Variants in OTUD6B observed in about 807,000 individuals in gnomAD.
OTUD6B encodes OTU deubiquitinase 6B.
OTUD6B carries 41 observed loss-of-function variants against 36.9 expected under a neutral mutation model. The ratio of observed to expected loss-of-function variants is 1.11; its 90% CI spans 0.87 to 1.44. OTUD6B has a LOEUF of 1.44. Ranked by LOEUF, OTUD6B falls within the 40% of genes most tolerant of loss-of-function variation. The pLI, the probability that OTUD6B is intolerant of heterozygous loss-of-function variation, is 0.00. For synonymous variants in OTUD6B, 114 were observed against 114.2 expected (o/e 1.00, Z 0.01); for missense variants, 356 against 344.8 (o/e 1.03, Z -0.26).
chr8:91,080,549 GAGA>G (rs1812883478), intron 4 of OTUD6B, 117 bp from the exon 5 acceptor site: 5 of 1,462,204 alleles, frequency 3.4e-6, no homozygotes, highest in East Asian at 5.3e-5. Context: ...GATAATGGTA[GAGA>G]AGGAGAATGT....
At position 91,078,488 on chromosome 8, in the gene OTUD6B, A is replaced by G. The variant is rs1812841619; in HGVS notation, c.448A>G (p.Lys150Glu). ...QILAARQLEI[K>E]QIPSDGHCMY... The stretch of plus-strand genomic sequence containing the variant: ...ATTGGCAGCTAGACAGTTAGAAATT[A>G]AACAGATTCCATCTGATGGCCACTG... The change falls in exon 4 of 7, where the codon AAA (lysine) becomes GAA (glutamate). Residue 150 changes from lysine (K) to glutamate (E), a missense_variant. Lys to Glu is a moderately conservative substitution (Grantham distance 56). Transcript: ENST00000404789. The G allele has an allele frequency of 6.2e-7, 1 of 1,608,426 alleles. No individual in the cohort carries two copies. The highest frequency in any genetic ancestry group is 1.3e-5 in the African/African-American group (1 of 74,808).
chr8:91,083,309 C>T (rs761915627), intron 5 of OTUD6B, among the ~76,000 whole-genome samples: 3 of 151,922 alleles, frequency 2.0e-5, no homozygotes, highest in Admixed American at 1.3e-4. Context: ...TTATTTGGTC[C>T]GGTGCTTGAG....
At chr8:91,072,959 A>T (rs139039189) in intron 2 of OTUD6B, among the ~76,000 whole-genome samples, 1 of 148,504 alleles carries the variant, frequency 6.7e-6, no homozygotes, top group Admixed American at 6.6e-5. Flanking sequence ...TGTTTTTCAG[A>T]TGCATCTCTT....
At chr8:91,073,985 C>T in intron 3 of OTUD6B, 74 bp downstream of exon 3, 2 of 975,380 alleles carry the variant, frequency 2.1e-6, no homozygotes, top group Non-Finnish European at 1.5e-6. Context: ...TATCTTAGGT[C>T]TTGTTATAGG....
intron 3 of OTUD6B, chr8:91,076,813 G>A (rs1257281222): frequency 8.6e-6 from 6 of 700,312 alleles, no homozygotes; most frequent in Non-Finnish European, 1.6e-5. Context: ...AAGATATTAT[G>A]CCTCTGTGAT....
intron 3 of OTUD6B, among the ~76,000 whole-genome samples, chr8:91,074,557 G>T (rs558106863): frequency 6.6e-6 from 1 of 152,130 alleles, no homozygotes; most frequent in Non-Finnish European, 1.5e-5. Context: ...AAATGTGGGG[G>T]TGATATATTG....
rs1812685787 is a variant in OTUD6B at position 91,071,062 on chromosome 8, A to G, written c.83-76A>G. 5.7e-6 allele frequency: 9 copies of G among 1,576,672 alleles called. No individual in the cohort carries two copies. The East Asian group carries it at 1.8e-4, about 32-fold the overall frequency. On this transcript the variant is annotated intron_variant, in intron 1 of 6. Transcript: ENST00000404789. ...TTTTCTGTACCCTTCGCCCGTTACC[A>G]TCCCCTTATTGGTTCCTGTTTCTCA...
Position 91,073,851 on chromosome 8 carries a change from C to G in OTUD6B, c.255C>G (p.Asn85Lys), listed in dbSNP as rs569224677. The change falls in exon 3 of 7, where the codon AAC (asparagine) becomes AAG (lysine). Residue 85 changes from asparagine (N) to lysine (K), a missense_variant. Coordinates refer to ENST00000404789, the MANE Select transcript of OTUD6B (RefSeq NM_016023.5). ...KENKIDSVAV[N>K]ISNLVLENQP... ...TTCAGATAGATTCTGTTGCTGTTAA[C>G]ATTTCAAACTTGGTGCTTGAGAATC... is the stretch of plus-strand genomic sequence containing the variant. The G allele has an allele frequency of 5.7e-6, 9 of 1,589,810 alleles. No individual in the cohort carries two copies. In the African/African-American group the frequency reaches 1.2e-4, roughly 21 times the overall value.
chr8:91,080,276 G>A (rs1812877373), intron 4 of OTUD6B, among the ~76,000 whole-genome samples: 1 of 152,014 alleles, frequency 6.6e-6, no homozygotes, highest in Non-Finnish European at 1.5e-5. Flanking sequence ...GATTATACAG[G>A]AACTACATTT....
chr8:91,071,035 C>CT, intron 1 of OTUD6B, 103 bp from the exon 2 acceptor site: 1 of 1,455,752 alleles, frequency 6.9e-7, no homozygotes, highest in Non-Finnish European at 9.1e-7. Flanking sequence ...TCCATAATTA[C>CT]TTTTTCTGTA....
In OTUD6B at chr8:91,070,937, T is replaced by A. The variant is rs1812682381; in HGVS notation, c.83-201T>A. On this transcript the variant is annotated intron_variant, in intron 1 of 6. Transcript: ENST00000404789. ...AAACAACCGAAACATATTCAAGATT[T>A]TGTTAATGAAGTTTTTTTTTTTTTT... 5 of 596,714 alleles carry A rather than the reference T, an allele frequency of 8.4e-6. No individual in the cohort carries two copies. In the South Asian group the frequency reaches 3.7e-4, roughly 44 times the overall value. 37.0% of individuals were successfully genotyped at this position (596,714 alleles called of 1,614,324 possible). A position where few individuals can be genotyped will look rare whatever the true frequency, so the allele number is the denominator to read the frequency against.
chr8:91,073,432 T>A (rs951672365), intron 2 of OTUD6B, among the ~76,000 whole-genome samples: 1 of 152,144 alleles, frequency 6.6e-6, no homozygotes, highest in Non-Finnish European at 1.5e-5. Context: ...CTAATTAAGA[T>A]GGAAAAAGGC....
chr8:91,076,324 A>G (rs1315158992), intron 3 of OTUD6B: 1 of 264,746 alleles, frequency 3.8e-6, no homozygotes, highest in African/African-American at 2.3e-5. Flanking sequence ...CTATAGCTGT[A>G]GAAACCAAAG....
intron 1 of OTUD6B, chr8:91,070,935 T>A (rs1812682325): frequency 1.7e-6 from 1 of 588,338 alleles, no homozygotes; most frequent in African/African-American, 2.0e-5. Context: ...ATATTCAAGA[T>A]TTTGTTAATG....
At chr8:91,079,022 G>A in intron 4 of OTUD6B, 1 of 160,438 alleles carries the variant, frequency 6.2e-6, no homozygotes, top group Non-Finnish European at 1.4e-5. Context: ...AAGACCATAA[G>A]GAGAGAATGA....
intron 3 of OTUD6B, among the ~76,000 whole-genome samples, chr8:91,074,378 CAT>C (rs948506973): frequency 2.7e-4 from 41 of 152,054 alleles, no homozygotes; most frequent in African/African-American, 8.7e-4. Context: ...TAGAAGTTAA[CAT>C]GTGTAGGTAT....
intron 5 of OTUD6B, 167 bp from the exon 6 acceptor site, chr8:91,083,841 T>C (rs1379989683): frequency 1.6e-5 from 5 of 306,746 alleles, no homozygotes; most frequent in African/African-American, 6.8e-5. Flanking sequence ...ACCTGTATTA[T>C]ATTTATTTAT....
At chr8:91,075,144 T>G (rs911056497) in intron 3 of OTUD6B, among the ~76,000 whole-genome samples, 25 of 152,184 alleles carry the variant, frequency 1.6e-4, no homozygotes, top group Admixed American at 1.2e-3. Context: ...TCTTTTTTTG[T>G]TTGCAAGCTG....
At chr8:91,075,038 A>G (rs1448853602) in intron 3 of OTUD6B, among the ~76,000 whole-genome samples, 1 of 152,086 alleles carries the variant, frequency 6.6e-6, no homozygotes, top group Admixed American at 6.5e-5. Context: ...AGTAGTGTAT[A>G]GTATGCCTCT....
Sources: allele counts gnomAD v4.1 joint callset (sites outside exome capture counted in the v4.1 genomes callset), GRCh38; gene constraint gnomAD v4.1.1; transcripts MANE v1.5; gene names NCBI Gene and HGNC (gene_info 2026-07-23, HGNC 2026-07-21).